Variants in LEKR1 observed in about 807,000 individuals in gnomAD.
The protein encoded by LEKR1 is protein LEKR1.
Under a neutral mutation model 72.4 loss-of-function variants are expected in LEKR1, and 59 were observed. The observed-to-expected ratio is 0.82, with a 90% confidence interval of 0.66 to 1.01. The LOEUF (loss-of-function observed/expected upper bound fraction) is 1.01, where lower values mean the gene tolerates loss of function less well. LEKR1 is among the 50% of genes least tolerant of loss of function. LEKR1 has a pLI of 0.00. For synonymous variants in LEKR1, 257 were observed against 263.2 expected (o/e 0.98, Z 0.23); for missense variants, 728 against 759.2 (o/e 0.96, Z 0.48).
At chr3:156,983,448 C>G (rs929550141) in intron 7 of LEKR1, among the ~76,000 whole-genome samples, 3 of 152,136 alleles carry the variant, frequency 2.0e-5, no homozygotes, top group Non-Finnish European at 4.4e-5. Context: ...GCCTCAGGAC[C>G]AGATTTCTGG....
At chr3:156,859,622 G>A (rs1038806106) in intron 3 of LEKR1, among the ~76,000 whole-genome samples, 4 of 152,034 alleles carry the variant, frequency 2.6e-5, no homozygotes, top group Admixed American at 1.3e-4. Context: ...TTTACATTAC[G>A]TTTTACTCTT....
At chr3:156,909,291 A>T (rs1722870595) in intron 3 of LEKR1, among the ~76,000 whole-genome samples, 1 of 152,182 alleles carries the variant, frequency 6.6e-6, no homozygotes, top group South Asian at 2.1e-4. Context: ...TGCTTCCATT[A>T]TCCTTTATTT....
chr3:156,959,315 A>C (rs1341016785), intron 6 of LEKR1, among the ~76,000 whole-genome samples: 2 of 152,190 alleles, frequency 1.3e-5, no homozygotes, highest in African/African-American at 4.8e-5. Context: ...AAATCACTTA[A>C]ATTCACTTTT....
rs745646188 is a variant in LEKR1 at position 157,024,743 on chromosome 3, T to C, written c.1204-17T>C. On this transcript the variant is annotated splice_polypyrimidine_tract_variant and intron_variant, in intron 10 of 12. Coordinates refer to ENST00000356539, the MANE Select transcript of LEKR1 (RefSeq NM_001004316.3). ...AGGTAAAAATAGTTTTACATGTGCT[T>C]TAAATGCCATTTCTAGATTGAAGCA... 1.3e-6 allele frequency: 2 copies of C among 1,589,230 alleles called. No homozygotes were observed.
chr3:157,014,281 T>A (rs1733133743), intron 10 of LEKR1, among the ~76,000 whole-genome samples: 1 of 152,086 alleles, frequency 6.6e-6, no homozygotes, highest in Non-Finnish European at 1.5e-5. Context: ...GTTTTAGAAT[T>A]TCACTAATGA....
At chr3:156,957,888 G>C (rs1446264286) in intron 6 of LEKR1, among the ~76,000 whole-genome samples, 2 of 152,010 alleles carry the variant, frequency 1.3e-5, no homozygotes, top group Non-Finnish European at 2.9e-5. Context: ...CTGGCCTCAA[G>C]CATGAGCCAC....
At chr3:157,014,099 T>C (rs1036842226) in intron 10 of LEKR1, among the ~76,000 whole-genome samples, 1 of 152,106 alleles carries the variant, frequency 6.6e-6, no homozygotes, top group Non-Finnish European at 1.5e-5. Context: ...TTAAAATTGG[T>C]TTTAAATGTA....
intron 12 of LEKR1, among the ~76,000 whole-genome samples, chr3:157,030,459 A>T (rs1252814206): frequency 6.6e-6 from 1 of 152,198 alleles, no homozygotes; most frequent in African/African-American, 2.4e-5. Flanking sequence ...AAGAATTTAA[A>T]GAAAACTTTG....
intron 9 of LEKR1, among the ~76,000 whole-genome samples, chr3:157,007,618 A>G (rs1732564151): frequency 6.6e-6 from 1 of 152,178 alleles, no homozygotes; most frequent in African/African-American, 2.4e-5. Flanking sequence ...TTGAAATGTG[A>G]GAGAAGTGAT....
At chr3:157,032,212 C>T (rs1028420557) in intron 12 of LEKR1, among the ~76,000 whole-genome samples, 1 of 152,122 alleles carries the variant, frequency 6.6e-6, no homozygotes, top group Non-Finnish European at 1.5e-5. Context: ...ACAGTCAAGA[C>T]AGTGTGACCC....
chr3:156,878,685 C>T (rs1189084114), intron 3 of LEKR1, among the ~76,000 whole-genome samples: 1 of 152,018 alleles, frequency 6.6e-6, no homozygotes, highest in Non-Finnish European at 1.5e-5. Context: ...TCTTTGTTGA[C>T]TTTCTGTCTT....
chr3:156,988,399 C>G (rs1730880181), intron 7 of LEKR1: 1 of 223,782 alleles, frequency 4.5e-6, no homozygotes, highest in Non-Finnish European at 9.5e-6. Flanking sequence ...CGAGGGGATC[C>G]CAGTCATCGT....
chr3:156,964,307 C>G (rs931648265), intron 6 of LEKR1, among the ~76,000 whole-genome samples: 1 of 152,022 alleles, frequency 6.6e-6, no homozygotes, highest in African/African-American at 2.4e-5. Context: ...CCTTCCATGT[C>G]AAAAATATTC....
chr3:156,923,773 G>A (rs930349119), intron 4 of LEKR1, among the ~76,000 whole-genome samples: 1 of 151,598 alleles, frequency 6.6e-6, no homozygotes, highest in East Asian at 1.9e-4. Context: ...TATCACCCAG[G>A]CTTGAGTGCA....
chr3:156,863,214 A>G (rs1716959456), intron 3 of LEKR1, among the ~76,000 whole-genome samples: 1 of 152,004 alleles, frequency 6.6e-6, no homozygotes, highest in Admixed American at 6.6e-5. Flanking sequence ...TCAGTAGAGT[A>G]ATTAGGCTCT....
intron 3 of LEKR1, among the ~76,000 whole-genome samples, chr3:156,854,437 T>G (rs1715784780): frequency 6.6e-6 from 1 of 152,082 alleles, no homozygotes; most frequent in Non-Finnish European, 1.5e-5. Context: ...TGAGCCACTG[T>G]GCCCAGCCAA....
intron 3 of LEKR1, among the ~76,000 whole-genome samples, chr3:156,919,483 ACC>A (rs1182930441): frequency 6.6e-6 from 1 of 152,118 alleles, no homozygotes; most frequent in Non-Finnish European, 1.5e-5. Context: ...GACTGGTCTC[ACC>A]CAAGACTTTC....
chr3:156,986,909 C>T (rs900107884), intron 7 of LEKR1, among the ~76,000 whole-genome samples: 1 of 152,046 alleles, frequency 6.6e-6, no homozygotes, highest in Non-Finnish European at 1.5e-5. Context: ...AGTTGAGATG[C>T]CTTTGAGACT....
At chr3:156,927,796 T>C (rs974885013) in intron 5 of LEKR1, among the ~76,000 whole-genome samples, 192 bp downstream of exon 5, 2 of 151,972 alleles carry the variant, frequency 1.3e-5, no homozygotes, top group Non-Finnish European at 1.5e-5. Context: ...TAAGATAATC[T>C]ATGATACATC....
Sources: gnomAD v4.1 joint callset for allele counts (sites outside exome capture counted in the v4.1 genomes callset) on GRCh38, gnomAD v4.1.1 for gene constraint, MANE v1.5 for transcripts, NCBI Gene and HGNC (gene_info 2026-07-23, HGNC 2026-07-21) for gene names.